Variants in ARHGAP24 observed in about 807,000 individuals in gnomAD.
ARHGAP24 encodes the protein Rho GTPase activating protein 24, also known as rho GTPase-activating protein 24.
ARHGAP24 carries 50 observed loss-of-function variants against 76.4 expected under a neutral mutation model. The ratio of observed to expected loss-of-function variants is 0.65; its 90% CI spans 0.52 to 0.83. ARHGAP24 has a LOEUF of 0.83. Among genes scored for constraint, ARHGAP24 ranks in the 40% least tolerant of loss-of-function variants. The pLI, the probability that ARHGAP24 is intolerant of heterozygous loss-of-function variation, is 0.00. For synonymous variants in ARHGAP24, 345 were observed against 323.3 expected, an observed-to-expected ratio of 1.07 and a Z score of -0.72; for missense variants, 930 against 914.2, an observed-to-expected ratio of 1.02 and a Z score of -0.22.
chr4:85,595,547 T>C (rs1340862395), intron 2 of ARHGAP24, among the ~76,000 whole-genome samples: 1 of 152,096 alleles, frequency 6.6e-6, no homozygotes, highest in Non-Finnish European at 1.5e-5. Flanking sequence ...AATTACAAAA[T>C]CAGTTCCTTC....
intron 3 of ARHGAP24, among the ~76,000 whole-genome samples, chr4:85,749,878 A>G (rs1209956888): frequency 6.6e-6 from 1 of 151,992 alleles, no homozygotes; most frequent in Admixed American, 6.5e-5. Flanking sequence ...CCACAAATAT[A>G]GTTTTAACCA....
intron 8 of ARHGAP24, among the ~76,000 whole-genome samples, chr4:85,983,795 C>G (rs1215101034): frequency 1.3e-5 from 2 of 152,178 alleles, no homozygotes; most frequent in Non-Finnish European, 2.9e-5. Context: ...TCTGCCCTTC[C>G]TCATTCTCTG....
intron 2 of ARHGAP24, among the ~76,000 whole-genome samples, chr4:85,595,657 A>T (rs1212913338): frequency 6.6e-6 from 1 of 152,128 alleles, no homozygotes; most frequent in Non-Finnish European, 1.5e-5. Context: ...GACTTATGAA[A>T]CAAGTATAAG....
intron 1 of ARHGAP24, among the ~76,000 whole-genome samples, chr4:85,522,477 A>C (rs914163454): frequency 1.3e-5 from 2 of 152,212 alleles, no homozygotes; most frequent in African/African-American, 4.8e-5. Flanking sequence ...AGCAGAAGTG[A>C]AAGCAGTGGT....
intron 1 of ARHGAP24, among the ~76,000 whole-genome samples, chr4:85,487,242 GTAAATATATATTTATTATATA>G (rs1298234686): frequency 8.5e-6 from 1 of 117,838 alleles, no homozygotes; most frequent in East Asian, 2.3e-4. Flanking sequence ...TTTATATATA[GTAAATATATATTTATTATATA>G]TAAATATATA....
intron 8 of ARHGAP24, among the ~76,000 whole-genome samples, chr4:85,993,140 T>C (rs770725793): frequency 7.9e-5 from 12 of 152,140 alleles, no homozygotes; most frequent in Non-Finnish European, 1.5e-4. Context: ...TACTACAGTG[T>C]TTCTCAAAGT....
Position 85,907,704 on chromosome 4 carries a change from C to A in ARHGAP24, c.269-15944C>A, listed in dbSNP as rs1734846409. On this transcript the variant is annotated intron_variant, in intron 3 of 9. Transcript: ENST00000395184. ...AGATTCATATGCTTGTTTATTCCCT[C>A]ATTAGACAGTAGATTACTAATGGAT... 2.0e-5 allele frequency among the ~76,000 whole-genome samples: 3 copies of A among 152,160 alleles called. No homozygotes were observed. In the South Asian group the frequency reaches 6.2e-4, roughly 32 times the overall value.
intron 2 of ARHGAP24, among the ~76,000 whole-genome samples, chr4:85,592,260 A>T (rs1728145567): frequency 6.6e-6 from 1 of 152,192 alleles, no homozygotes; most frequent in African/African-American, 2.4e-5. Flanking sequence ...ATGATCAATG[A>T]TGTTGAGCAC....
chr4:86,000,480 T>C lies in ARHGAP24; in HGVS notation c.2005T>C (p.Leu669=). ...KIEYESRIKS[L]EQRNLTLETE... ...CACCCCCCCCAACATCCTTTGTAGC[T>C]TAGAACAGCGAAACTTGACTTTGGA... The change falls in exon 10 of 10, where the codon TTA becomes CTA. Residue 669 remains leucine, a splice_region_variant and synonymous_variant. Transcript: ENST00000395184. 4.0e-6 allele frequency: 5 copies of C among 1,258,716 alleles called. No individual in the cohort carries two copies. The highest frequency in any genetic ancestry group is 5.3e-6 in the Non-Finnish European group (5 of 936,650). 78.0% of individuals were successfully genotyped at this position (1,258,716 alleles called of 1,614,324 possible).
At chr4:85,830,017 C>T (rs530414287) in intron 3 of ARHGAP24, among the ~76,000 whole-genome samples, 2 of 152,340 alleles carry the variant, frequency 1.3e-5, no homozygotes, top group South Asian at 4.1e-4. Flanking sequence ...TGTTCAAACA[C>T]ATTTACTTCT....
intron 1 of ARHGAP24, among the ~76,000 whole-genome samples, chr4:85,558,595 A>G (rs1234668936): frequency 1.3e-5 from 2 of 152,126 alleles, no homozygotes; most frequent in East Asian, 1.9e-4. Context: ...AAAAAAAAAA[A>G]GTTGTGTTGT....
At chr4:85,586,253 G>T (rs1328187916) in intron 2 of ARHGAP24, among the ~76,000 whole-genome samples, 1 of 152,078 alleles carries the variant, frequency 6.6e-6, no homozygotes, top group African/African-American at 2.4e-5. Context: ...GAGTAAGTAA[G>T]ATTCTGTGAT....
At chr4:85,506,834 G>A (rs142811819) in intron 1 of ARHGAP24, among the ~76,000 whole-genome samples, 2 of 152,176 alleles carry the variant, frequency 1.3e-5, no homozygotes, top group Non-Finnish European at 1.5e-5. Flanking sequence ...CATCAGTCAC[G>A]CTGGGAGCTG....
At chr4:85,789,413 TG>T (rs140011891) in intron 3 of ARHGAP24, among the ~76,000 whole-genome samples, 2,216 of 152,096 alleles carry the variant, frequency 0.015, 49 homozygotes, top group African/African-American at 0.05. Flanking sequence ...GCAGGTTGGC[TG>T]GAGTTCAGGG....
In ARHGAP24 at chr4:85,974,836, T is replaced by C. The variant is rs959231433; in HGVS notation, c.733-52T>C. 8 of 1,561,904 alleles carry C rather than the reference T, an allele frequency of 5.1e-6. No homozygotes were observed. In the Admixed American group the frequency reaches 1.0e-4, roughly 20 times the overall value. On this transcript the variant is annotated intron_variant, in intron 6 of 9. Coordinates refer to ENST00000395184, the MANE Select transcript of ARHGAP24 (RefSeq NM_001025616.3). ...ATATGGCCATTTCGACTTGCTTTAA[T>C]TCTAAGGCCAACGTGTAGAAAAATA...
intron 3 of ARHGAP24, among the ~76,000 whole-genome samples, chr4:85,747,560 G>A (rs1330917665): frequency 4.6e-5 from 7 of 152,066 alleles, no homozygotes; most frequent in Non-Finnish European, 7.3e-5. Flanking sequence ...AAAATTAGCC[G>A]GGCGTAGTGG....
intron 3 of ARHGAP24, among the ~76,000 whole-genome samples, chr4:85,864,880 A>C (rs956024387): frequency 3.3e-5 from 5 of 152,150 alleles, no homozygotes; most frequent in Non-Finnish European, 7.4e-5. Flanking sequence ...GCTTTTCACT[A>C]AAATGTCTTA....
chr4:85,685,495 T>C (rs935064219), intron 2 of ARHGAP24, among the ~76,000 whole-genome samples: 2 of 151,970 alleles, frequency 1.3e-5, no homozygotes, highest in Non-Finnish European at 2.9e-5. Context: ...TAGCTGGGCA[T>C]AGTGGCAGGC....
At chr4:85,848,986 AGTCATTG>A (rs958606721) in intron 3 of ARHGAP24, among the ~76,000 whole-genome samples, 1 of 151,638 alleles carries the variant, frequency 6.6e-6, no homozygotes, top group African/African-American at 2.4e-5. Flanking sequence ...CTGTGAAGAA[AGTCATTG>A]GTAGCTTGAT....
Sources: gnomAD v4.1 joint callset for allele counts (sites outside exome capture counted in the v4.1 genomes callset) on GRCh38, gnomAD v4.1.1 for gene constraint, MANE v1.5 for transcripts, NCBI Gene and HGNC (gene_info 2026-07-23, HGNC 2026-07-21) for gene names.